Variants in PDE10A observed in about 807,000 individuals in gnomAD.
PDE10A encodes the protein cAMP and cAMP-inhibited cGMP 3',5'-cyclic phosphodiesterase 10A.
Under a neutral mutation model 97.7 loss-of-function variants are expected in PDE10A, and 39 were observed. That is an observed-to-expected ratio of 0.40 (90% CI 0.31 to 0.52). The LOEUF is 0.52. PDE10A is among the 20% of genes least tolerant of loss of function. The probability of loss-of-function intolerance (pLI) is 0.56; values close to 1 mark genes in which losing one functional copy is unlikely to be tolerated. For missense variants in PDE10A, 731 were observed against 1,047.8 expected, an observed-to-expected ratio of 0.70 and a Z score of 4.17; for synonymous variants, 371 against 376.8, an observed-to-expected ratio of 0.98 and a Z score of 0.18.
At chr6:165,928,296 T>C (rs1783008791) in intron 1 of PDE10A, among the ~76,000 whole-genome samples, 1 of 152,164 alleles carries the variant, frequency 6.6e-6, no homozygotes. Flanking sequence ...AGAATCATTC[T>C]TATTTGCACT....
chr6:165,842,276 G>A (rs534847938), intron 1 of PDE10A, among the ~76,000 whole-genome samples: 6 of 152,168 alleles, frequency 3.9e-5, no homozygotes, highest in East Asian at 1.9e-4. Context: ...AGATAACAGC[G>A]TTGATCTCTC....
intron 1 of PDE10A, among the ~76,000 whole-genome samples, chr6:165,617,406 G>A (rs1312275866): frequency 6.6e-5 from 10 of 152,146 alleles, no homozygotes; most frequent in African/African-American, 2.2e-4. Flanking sequence ...GTGCAGTGGC[G>A]GGATCTCGGC....
chr6:165,700,582 T>C lies in PDE10A; in HGVS notation c.-614-157014A>G, dbSNP rs115106415. 6.7e-3 allele frequency among the ~76,000 whole-genome samples: 1,024 copies of C among 152,314 alleles called. 8 individuals carry two copies. Among genetic ancestry groups the C allele is most frequent in the Middle Eastern group, 0.024 (7 of 294 alleles). On this transcript the variant is annotated intron_variant, in intron 1 of 19. Coordinates refer to the PDE10A transcript ENST00000366882. ...TTTTACCGTTTTGCAGGTAATGTTA[T>C]ATAAAATAAGAGAGTTTGGGGGAAA... is the stretch of plus-strand genomic sequence containing the variant.
intron 1 of PDE10A, among the ~76,000 whole-genome samples, chr6:165,980,672 G>T (rs991998589): frequency 6.6e-6 from 1 of 152,154 alleles, no homozygotes; most frequent in Non-Finnish European, 1.5e-5. Flanking sequence ...AAGAACCAGG[G>T]TCACGTAGGT....
intron 15 of PDE10A, among the ~76,000 whole-genome samples, chr6:165,393,957 T>TCACA (rs1785925744): frequency 6.6e-6 from 1 of 152,158 alleles, no homozygotes; most frequent in African/African-American, 2.4e-5. Context: ...TGACAAAGTA[T>TCACA]CACACTTTGA....
At chr6:165,921,724 A>G (rs1782757757) in intron 1 of PDE10A, among the ~76,000 whole-genome samples, 1 of 152,224 alleles carries the variant, frequency 6.6e-6, no homozygotes, top group Non-Finnish European at 1.5e-5. Context: ...CAGCATGAGC[A>G]TGGAAACCCA....
chr6:165,749,015 T>C (rs1330434672), intron 1 of PDE10A, among the ~76,000 whole-genome samples: 1 of 152,222 alleles, frequency 6.6e-6, no homozygotes, highest in African/African-American at 2.4e-5. Flanking sequence ...ATATCAACCT[T>C]GTCAAATTGC....
intron 11 of PDE10A, among the ~76,000 whole-genome samples, chr6:165,416,905 G>GT (rs1788357818): frequency 6.6e-6 from 1 of 152,052 alleles, no homozygotes; most frequent in African/African-American, 2.4e-5. Context: ...AGGATTGTCT[G>GT]TTTTTTATAT....
intron 1 of PDE10A, among the ~76,000 whole-genome samples, chr6:165,797,774 G>A (rs1262693708): frequency 1.3e-5 from 2 of 152,098 alleles, no homozygotes; most frequent in African/African-American, 2.4e-5. Flanking sequence ...CCTAATCTTT[G>A]TCTTGAAATG....
intron 1 of PDE10A, among the ~76,000 whole-genome samples, chr6:165,774,063 G>T (rs534407828): frequency 2.6e-5 from 4 of 152,034 alleles, no homozygotes; most frequent in Admixed American, 2.6e-4. Context: ...TGTGACACTA[G>T]CCTCTTTAAG....
intron 3 of PDE10A, among the ~76,000 whole-genome samples, chr6:165,452,389 T>C (rs1791359826): frequency 6.6e-6 from 1 of 152,230 alleles, no homozygotes; most frequent in African/African-American, 2.4e-5. Context: ...AGTTCATGTT[T>C]TGAAAACTTA....
chr6:165,396,241 T>C, intron 14 of PDE10A, 76 bp downstream of exon 14: 1 of 1,374,518 alleles, frequency 7.3e-7, no homozygotes, highest in Non-Finnish European at 1.0e-6. Context: ...TGACTCTAAT[T>C]CTATAATCTG....
intron 2 of PDE10A, among the ~76,000 whole-genome samples, chr6:165,484,023 G>A (rs1245841826): frequency 6.6e-6 from 1 of 152,186 alleles, no homozygotes; most frequent in Non-Finnish European, 1.5e-5. Flanking sequence ...CTTAGGAGCT[G>A]ATTTAGAAAA....
chr6:165,330,040 G>A lies in PDE10A; in HGVS notation c.*2985C>T, dbSNP rs1781252740. On this transcript the variant is annotated 3_prime_UTR_variant, in exon 22 of 22. Coordinates refer to ENST00000539869, the MANE Select transcript of PDE10A (RefSeq NM_001385079.1). ...AATTCAATATTCCATGTTATTGGCA[G>A]GCATTTATGTTTCCAAGGACATTTT... 6.6e-6 allele frequency: 1 copy of A among 152,102 alleles called. No individual in the cohort carries two copies. The highest frequency in any genetic ancestry group is 2.4e-5 in the African/African-American group (1 of 41,414). The allele number at this position is 152,102 out of a possible 1,614,324, so 9.4% of individuals were successfully genotyped here.
At chr6:165,540,747 A>G (rs1388507634) in intron 2 of PDE10A, among the ~76,000 whole-genome samples, 1 of 152,194 alleles carries the variant, frequency 6.6e-6, no homozygotes, top group South Asian at 2.1e-4. Context: ...ATTGTGCCTC[A>G]GCCTCCCAAG....
intron 1 of PDE10A, among the ~76,000 whole-genome samples, chr6:165,785,539 T>C (rs1258804013): frequency 2.0e-5 from 3 of 152,346 alleles, no homozygotes; most frequent in South Asian, 4.1e-4. Flanking sequence ...GTTATGCTTT[T>C]GTGTGTTAAA....
At chr6:165,879,880 C>G (rs1202041916) in intron 1 of PDE10A, among the ~76,000 whole-genome samples, 1 of 148,864 alleles carries the variant, frequency 6.7e-6, no homozygotes, top group Non-Finnish European at 1.5e-5. Context: ...ACCGTGTCTC[C>G]AAATTAGGTC....
At chr6:165,883,443 G>A (rs373946352) in intron 1 of PDE10A, among the ~76,000 whole-genome samples, 3 of 151,936 alleles carry the variant, frequency 2.0e-5, no homozygotes, top group African/African-American at 7.3e-5. Context: ...TCAGGAGGCT[G>A]AGGGAGGAGA....
Position 165,608,098 on chromosome 6 carries a change from ATATATACATG to A in PDE10A, c.865+53839_865+53848del, listed in dbSNP as rs1328582562. Among the ~76,000 whole-genome samples the A allele has an allele frequency of 7.1e-3, 1,035 of 146,198 alleles. 12 individuals are homozygous for A. Among genetic ancestry groups the A allele is most frequent in the African/African-American group, 0.025 (973 of 38,528 alleles). On this transcript the variant is annotated intron_variant, in intron 1 of 21. Transcript: ENST00000539869. ...TGTATATATGTATATATATGTGCAT[ATATATACATG>A]TATATATATATATTTTATTATACTT...
Sources: gnomAD v4.1 joint callset for allele counts (sites outside exome capture counted in the v4.1 genomes callset) on GRCh38, gnomAD v4.1.1 for gene constraint, MANE v1.5 for transcripts, NCBI Gene and HGNC (gene_info 2026-07-23, HGNC 2026-07-21) for gene names.